Variants in SGMS1 observed in about 807,000 individuals in gnomAD.
SGMS1 encodes sphingomyelin synthase 1.
Under a neutral mutation model 46.2 loss-of-function variants are expected in SGMS1, and 13 were observed. The observed-to-expected ratio is 0.28, with a 90% CI of 0.18 to 0.45. The LOEUF is 0.45. SGMS1 is among the 20% of genes least tolerant of loss of function. The probability of loss-of-function intolerance (pLI) is 1.00; values close to 1 mark genes in which losing one functional copy is unlikely to be tolerated. For missense variants in SGMS1, 324 were observed against 519.9 expected (o/e 0.62, Z 3.66); for synonymous variants, 203 against 187.8 (o/e 1.08, Z -0.66).
intron 6 of SGMS1, among the ~76,000 whole-genome samples, chr10:50,371,847 AAG>A (rs1356320370): frequency 1.3e-5 from 2 of 152,184 alleles, no homozygotes; most frequent in African/African-American, 4.8e-5. Context: ...CAAAAGGGCA[AAG>A]AGGGGGTGAG....
At chr10:50,372,178 A>G (rs1247230198) in intron 6 of SGMS1, among the ~76,000 whole-genome samples, 1 of 152,218 alleles carries the variant, frequency 6.6e-6, no homozygotes, top group Non-Finnish European at 1.5e-5. Flanking sequence ...GTCAATATAA[A>G]TACGTTTCAT....
chr10:50,557,685 CA>C (rs5784835), intron 2 of SGMS1, among the ~76,000 whole-genome samples: 27,008 of 114,712 alleles, frequency 0.24, 2,494 homozygotes, highest in Non-Finnish European at 0.29. Flanking sequence ...ACTCTAACAG[CA>C]AAAAAAAAAA....
intron 2 of SGMS1, among the ~76,000 whole-genome samples, chr10:50,523,393 C>T (rs1045534234): frequency 6.6e-6 from 1 of 152,180 alleles, no homozygotes; most frequent in African/African-American, 2.4e-5. Context: ...TTACCTTAAG[C>T]ACAACACTGT....
Position 50,307,846 on chromosome 10 carries a change from A to T in SGMS1, c.1062+136T>A, listed in dbSNP as rs1032716377. 4 of 794,962 alleles carry T rather than the reference A, an allele frequency of 5.0e-6. No individual in the cohort carries two copies. The highest frequency in any genetic ancestry group is 8.0e-6 in the Non-Finnish European group (4 of 498,806). 49.2% of individuals were successfully genotyped at this position (794,962 alleles called of 1,614,324 possible). On this transcript the variant is annotated intron_variant, in intron 10 of 10. Transcript: ENST00000361781. This position sits in a 1 kb window ranked among gnomAD's most constrained non-coding sequence, Gnocchi z 4.2. ...TTCTGAAGAGAATCAATGTCACAAA[A>T]AAACAATACAATCTTAGTTGATTAC... is the stretch of plus-strand genomic sequence containing the variant.
chr10:50,604,519 A>T (rs1838677158), intron 1 of SGMS1, among the ~76,000 whole-genome samples: 1 of 152,256 alleles, frequency 6.6e-6, no homozygotes, highest in African/African-American at 2.4e-5. Flanking sequence ...TTAACGGCAC[A>T]AAAGAACCGC....
At chr10:50,503,854 A>G (rs1207397545) in intron 3 of SGMS1, among the ~76,000 whole-genome samples, 1 of 152,234 alleles carries the variant, frequency 6.6e-6, no homozygotes, top group Non-Finnish European at 1.5e-5. Flanking sequence ...TGGGCAAGAC[A>G]GAGGGCTGTC....
chr10:50,507,671 CT>C, intron 3 of SGMS1, among the ~76,000 whole-genome samples: 1 of 152,268 alleles, frequency 6.6e-6, no homozygotes, highest in East Asian at 1.9e-4. Flanking sequence ...CCAACCACCT[CT>C]TTTTTTCCTC....
intron 6 of SGMS1, among the ~76,000 whole-genome samples, chr10:50,373,852 A>G (rs1219777209): frequency 6.6e-6 from 1 of 152,208 alleles, no homozygotes; most frequent in Non-Finnish European, 1.5e-5. Context: ...TCCCATAGGT[A>G]TCTATTCCAC....
At chr10:50,460,448 C>A (rs1376716529) in intron 5 of SGMS1, among the ~76,000 whole-genome samples, 2 of 152,224 alleles carry the variant, frequency 1.3e-5, no homozygotes. Context: ...TTGGGAAGGA[C>A]ACTCAAGGGT....
At chr10:50,406,028 C>T (rs1849009537) in intron 6 of SGMS1, among the ~76,000 whole-genome samples, 2 of 151,874 alleles carry the variant, frequency 1.3e-5, no homozygotes, top group Non-Finnish European at 1.5e-5. Context: ...TATATATATA[C>T]ACACACACAT....
chr10:50,510,104 C>T (rs1041348499), intron 3 of SGMS1, among the ~76,000 whole-genome samples: 29 of 152,136 alleles, frequency 1.9e-4, no homozygotes, highest in Middle Eastern at 3.2e-3. Flanking sequence ...ATTTTCTAAC[C>T]CTATACTCTT....
At chr10:50,388,564 G>C (rs1267442355) in intron 6 of SGMS1, among the ~76,000 whole-genome samples, 3 of 151,350 alleles carry the variant, frequency 2.0e-5, no homozygotes, top group Admixed American at 2.0e-4. Context: ...AGCGAGCTAA[G>C]TTCGCACCAC....
At chr10:50,366,456 T>A (rs1214133508) in intron 6 of SGMS1, among the ~76,000 whole-genome samples, 1 of 152,208 alleles carries the variant, frequency 6.6e-6, no homozygotes, top group African/African-American at 2.4e-5. Context: ...ACTGGGCATA[T>A]ACCCAAAGGA....
At chr10:50,340,607 T>C (rs895060367) in intron 7 of SGMS1, 1 of 151,916 alleles carries the variant, frequency 6.6e-6, no homozygotes, top group Admixed American at 6.6e-5. Context: ...CATACAGATA[T>C]GCAGGGGAGA....
At position 50,343,575 on chromosome 10, in the gene SGMS1, C is replaced by A. The variant is rs1406237416; in HGVS notation, c.540G>T (p.Val180=). 2 of 1,614,152 alleles carry A rather than the reference C, an allele frequency of 1.2e-6. No individual in the cohort carries two copies. Among genetic ancestry groups the A allele is most frequent in the Non-Finnish European group, 1.7e-6 (2 of 1,180,028 alleles). Residue 180 remains valine, a synonymous_variant, in exon 7 of 11, where the codon GTG becomes GTT. Transcript: ENST00000361781. ...PDTFFDHFNR[V]QWAFSICEIN... The stretch of plus-strand genomic sequence containing the variant: ...TTTCACAAATAGAAAAGGCCCACTG[C>A]ACCCGGTTAAAATGGTCAAAAAATG...
At chr10:50,524,732 G>A (rs897547060) in intron 2 of SGMS1, among the ~76,000 whole-genome samples, 4 of 152,192 alleles carry the variant, frequency 2.6e-5, no homozygotes, top group African/African-American at 9.7e-5. Flanking sequence ...GAGTGCTGGA[G>A]CCACAGAGCT....
At chr10:50,551,212 T>C (rs1456749492) in intron 2 of SGMS1, among the ~76,000 whole-genome samples, 1 of 151,964 alleles carries the variant, frequency 6.6e-6, no homozygotes, top group East Asian at 1.9e-4. Flanking sequence ...ATGTTGGTAC[T>C]ATGTACTCTA....
chr10:50,593,418 A>C (rs1002066219), intron 1 of SGMS1, among the ~76,000 whole-genome samples: 2 of 152,228 alleles, frequency 1.3e-5, no homozygotes, highest in Admixed American at 6.5e-5. Context: ...TTTGTTATGC[A>C]GTGATAAGTA....
intron 3 of SGMS1, among the ~76,000 whole-genome samples, chr10:50,516,031 G>A (rs969890661): frequency 1.3e-5 from 2 of 152,064 alleles, no homozygotes; most frequent in African/African-American, 4.8e-5. Context: ...CAAAGAGACT[G>A]CAAATTAGAG....
Sources: gnomAD v4.1 joint callset for allele counts (sites outside exome capture counted in the v4.1 genomes callset) on GRCh38, gnomAD v4.1.1 for gene constraint, Gnocchi (gnomAD v3.1) non-coding constraint, MANE v1.5 for transcripts, NCBI Gene and HGNC (gene_info 2026-07-23, HGNC 2026-07-21) for gene names.